Variants in LRWD1 observed in about 807,000 individuals in gnomAD.
LRWD1 encodes leucine rich repeats and WD repeat domain containing 1, also known as leucine-rich repeat and WD repeat-containing protein 1.
Under a neutral mutation model 75.6 loss-of-function variants are expected in LRWD1, and 76 were observed. The ratio of observed to expected loss-of-function variants is 1.01; its 90% CI spans 0.84 to 1.22. The LOEUF is 1.22. Ranked by LOEUF, LRWD1 falls within the 50% of genes most tolerant of loss-of-function variation. LRWD1 has a pLI of 0.00. For synonymous variants in LRWD1, 487 were observed against 377.0 expected (o/e 1.29, Z -3.38); for missense variants, 917 against 862.0 (o/e 1.06, Z -0.80).
chr7:102,467,647 C>G (rs1385352403), intron 4 of LRWD1, 72 bp from the exon 5 acceptor site: 2 of 1,516,066 alleles, frequency 1.3e-6, no homozygotes, highest in African/African-American at 1.4e-5. Flanking sequence ...TAAGCTCCCC[C>G]TGACTATGCA....
At position 102,465,013 on chromosome 7, in the gene LRWD1, A is replaced by G; in HGVS notation, c.-68A>G. 1.4e-6 allele frequency: 2 copies of G among 1,382,254 alleles called. No homozygotes were observed. The highest frequency in any genetic ancestry group is 1.9e-6 in the Non-Finnish European group (2 of 1,062,472). The allele number at this position is 1,382,254 out of a possible 1,614,324, so 85.6% of individuals were successfully genotyped here. On this transcript the variant is annotated 5_prime_UTR_variant, in exon 1 of 15. Coordinates refer to ENST00000292616, the MANE Select transcript of LRWD1 (RefSeq NM_152892.3). ...ACCGCGGACGCCAGTGCCGGGCTCCAGGAGACGCAGGGCGACGCCACACGC... is the reference window on the plus strand; with the variant it reads ...ACCGCGGACGCCAGTGCCGGGCTCCGGGAGACGCAGGGCGACGCCACACGC...
Position 102,468,589 on chromosome 7 carries a change from G to A in LRWD1, c.955G>A (p.Glu319Lys). Reference protein sequence around the residue: ...TSQTVATCGGEAVCVIDCQTG... With the variant: ...TSQTVATCGGKAVCVIDCQTG... ...CCAGACCGTGGCCACGTGCGGCGGG[G>A]AGGCTGTGTGCGTAATTGATTGCCA... Residue 319 changes from glutamate (E) to lysine (K), a missense_variant, in exon 8 of 15, where the codon GAG becomes AAG. Transcript: ENST00000292616. 1 of 1,578,064 alleles carries A rather than the reference G, an allele frequency of 6.3e-7. No individual in the cohort carries two copies. The highest frequency in any genetic ancestry group is 8.6e-7 in the Non-Finnish European group (1 of 1,161,754).
Position 102,468,101 on chromosome 7 carries a change from C to T in LRWD1, c.718C>T (p.Leu240Phe). 1 of 1,610,198 alleles carries T rather than the reference C, an allele frequency of 6.2e-7. No individual in the cohort carries two copies. The highest frequency in any genetic ancestry group is 8.5e-7 in the Non-Finnish European group (1 of 1,179,526). Residue 240 changes from leucine (L) to phenylalanine (F), a missense_variant, in exon 6 of 15, where the codon CTC becomes TTC. Coordinates refer to ENST00000292616, the MANE Select transcript of LRWD1 (RefSeq NM_152892.3). ...CTTGAAACGGCCAGACGACGTCCCA[C>T]TCAGCCTCTCTCCCAGCAAGCGGGC... ...AALKRPDDVP[L>F]SLSPSKRACA...
Position 102,467,375 on chromosome 7 carries a change from G to A in LRWD1, c.469G>A (p.Gly157Ser). 6.2e-7 allele frequency: 1 copy of A among 1,613,140 alleles called. No individual in the cohort carries two copies. The highest frequency in any genetic ancestry group is 8.5e-7 in the Non-Finnish European group (1 of 1,179,678). Reference protein sequence around the residue: ...AHWEKFMATLGPEEEAEKAQA... With the variant: ...AHWEKFMATLSPEEEAEKAQA... ...CTGGGAGAAGTTCATGGCCACACTG[G>A]GTCCTGAAGAGGAGGCTGAGAAGGC... The change falls in exon 4 of 15, where the codon GGT becomes AGT. Residue 157 changes from glycine to serine, a missense_variant. Gly to Ser is a moderately conservative substitution (Grantham distance 56, BLOSUM62 0). Coordinates refer to ENST00000292616, the MANE Select transcript of LRWD1 (RefSeq NM_152892.3).
At chr7:102,467,650 A>C in intron 4 of LRWD1, 69 bp from the exon 5 acceptor site, 1 of 1,505,912 alleles carries the variant, frequency 6.6e-7, no homozygotes, top group Non-Finnish European at 9.0e-7. Flanking sequence ...GCTCCCCCTG[A>C]CTATGCATCG....
Position 102,469,753 on chromosome 7 carries a change from C to T in LRWD1, c.1313C>T (p.Thr438Ile), listed in dbSNP as rs765458287. 1 of 1,608,906 alleles carries T rather than the reference C, an allele frequency of 6.2e-7. No individual in the cohort carries two copies. The highest frequency in any genetic ancestry group is 1.3e-5 in the African/African-American group (1 of 74,884). ...DYEFQASQLL[T>I]LDTTSIPLRL... ...TTGCCCACTGGCAGCCAGCTGCTCA[C>T]ACTGGACACCACCTCTATCCCCCTG... The change falls in exon 11 of 15, where the codon ACA becomes ATA. Residue 438 changes from threonine to isoleucine, a missense_variant. Thr to Ile is a moderately conservative substitution (Grantham distance 89). Coordinates refer to ENST00000292616, the MANE Select transcript of LRWD1 (RefSeq NM_152892.3).
chr7:102,467,338 G>T lies in LRWD1; in HGVS notation c.433-1G>T, dbSNP rs199699460. 1.2e-6 allele frequency: 2 copies of T among 1,603,210 alleles called. No individual in the cohort carries two copies. Among genetic ancestry groups the T allele is most frequent in the East Asian group, 4.5e-5 (2 of 44,274 alleles). ...CCTGGATCTGGTCCCTCTTGCACCA[G>T]GTCACAGCTCACTGGGAGAAGTTCA... On this transcript the variant is annotated splice_acceptor_variant, in intron 3 of 14. Coordinates refer to ENST00000292616, the MANE Select transcript of LRWD1 (RefSeq NM_152892.3). LOFTEE classifies it high-confidence loss of function.
In LRWD1 at chr7:102,467,493, CCAATGTGCAGGGAGT is replaced by C. The variant is rs749542918; in HGVS notation, c.573+17_573+31del. The C allele has an allele frequency of 6.2e-7, 1 of 1,611,378 alleles. No homozygotes were observed. The highest frequency in any genetic ancestry group is 8.5e-7 in the Non-Finnish European group (1 of 1,179,676). On this transcript the variant is annotated intron_variant, in intron 4 of 14. Coordinates refer to ENST00000292616, the MANE Select transcript of LRWD1 (RefSeq NM_152892.3). ...ACCCAGTGGCGGGTATGTCCCTGTC[CCAATGTGCAGGGAGT>C]CACTGGCTCTCGTATCTCTAGCTGC... is the stretch of plus-strand genomic sequence containing the variant.
chr7:102,465,767 G>A (rs762428010), intron 1 of LRWD1, 50 bp from the exon 2 acceptor site: 1 of 1,400,998 alleles, frequency 7.1e-7, no homozygotes, highest in East Asian at 2.3e-5. Context: ...GCAGATTGGT[G>A]TAGGGTGCAA....
Position 102,472,684 on chromosome 7 carries a change from C to G in LRWD1, c.1691-8C>G. ...GCCCCCACTCAGACTCCACCTCTGT[C>G]CCGGCAGATAAGGGGATTGTGCTCT... On this transcript the variant is annotated splice_region_variant and splice_polypyrimidine_tract_variant and intron_variant, in intron 13 of 14. Coordinates refer to ENST00000292616, the MANE Select transcript of LRWD1 (RefSeq NM_152892.3). 6.2e-7 allele frequency: 1 copy of G among 1,613,424 alleles called. No individual in the cohort carries two copies. Among genetic ancestry groups the G allele is most frequent in the Non-Finnish European group, 8.5e-7 (1 of 1,179,914 alleles).
chr7:102,467,823 G>A lies in LRWD1; in HGVS notation c.678G>A (p.Arg226=), dbSNP rs530661786. Residue 226 remains arginine (R), a splice_region_variant and synonymous_variant, in exon 5 of 15, where the codon AGG becomes AGA. Transcript: ENST00000292616. ...AAGCTGGAGCTGCCCACAAGCCCAG[G>A]GTGAGTGCAGCTCCCAGGGCTCTGA... ...PPEAGAAHKP[R]ARLAALKRPD... 6.5e-7 allele frequency: 1 copy of A among 1,549,830 alleles called. No individual in the cohort carries two copies. The highest frequency in any genetic ancestry group is 8.7e-7 in the Non-Finnish European group (1 of 1,146,890).
intron 5 of LRWD1, 77 bp downstream of exon 5, chr7:102,467,900 T>C: frequency 6.6e-7 from 1 of 1,515,132 alleles, no homozygotes; most frequent in Non-Finnish European, 8.9e-7. Context: ...CAAGGCGTCC[T>C]GGGCATGTGC....
chr7:102,466,721 C>A (rs1797989340), intron 3 of LRWD1, among the ~76,000 whole-genome samples: 1 of 143,494 alleles, frequency 7.0e-6, no homozygotes. Flanking sequence ...CCCGGCCTGA[C>A]TCTTCTAAGT....
intron 14 of LRWD1, 34 bp from the exon 15 acceptor site, chr7:102,472,853 GGCCCTGCCTTTGGTCAGCAGGA>G: frequency 6.2e-7 from 1 of 1,611,498 alleles, no homozygotes; most frequent in Non-Finnish European, 8.5e-7. Context: ...AGGCATCAGG[GGCCCTGCCTTTGGTCAGCAGGA>G]GCCCAGCCCA....
At chr7:102,471,951 T>G (rs1169824014) in intron 11 of LRWD1, 1 of 451,092 alleles carries the variant, frequency 2.2e-6, no homozygotes, top group Non-Finnish European at 4.1e-6. Context: ...CAGAGCCTTA[T>G]CCAACCCCCT....
At position 102,468,275 on chromosome 7, in the gene LRWD1, C is replaced by T; in HGVS notation, c.817C>T (p.Leu273=). The part of the protein sequence containing the change: ...GSDGSQPAVK[L]EPLHFLQCHS... Reference sequence around the variant, plus strand: ...TCTCCCCCCACAGCCTGCTGTGAAGCTGGAGCCCCTGCACTTCCTGCAGTG... The same window carrying T: ...TCTCCCCCCACAGCCTGCTGTGAAGTTGGAGCCCCTGCACTTCCTGCAGTG... The change falls in exon 7 of 15, where the codon CTG becomes TTG. Residue 273 remains leucine, a synonymous_variant. Transcript: ENST00000292616. The T allele has an allele frequency of 6.2e-7, 1 of 1,609,018 alleles. No homozygotes were observed. Among genetic ancestry groups the T allele is most frequent in the Non-Finnish European group, 8.5e-7 (1 of 1,178,204 alleles).
At chr7:102,471,991 C>T (rs928052836) in intron 11 of LRWD1, 2 of 528,180 alleles carry the variant, frequency 3.8e-6, no homozygotes, top group Admixed American at 6.2e-5. Context: ...AGAGCCACCC[C>T]TCGTGCCTCT....
chr7:102,468,759 C>G, intron 8 of LRWD1, 96 bp from the exon 9 acceptor site: 1 of 1,530,190 alleles, frequency 6.5e-7, no homozygotes, highest in Non-Finnish European at 8.8e-7. Context: ...TGGCCTTTTT[C>G]TTTCATGCTG....
At position 102,472,959 on chromosome 7, in the gene LRWD1, C is replaced by T. The variant is rs749272232; in HGVS notation, c.1854C>T (p.Thr618=). ...PWALGQVVTK[T]MVNTVVANAS... is the part of the protein sequence containing the mutation. ...CCCTTGGCCAGGTGGTGACCAAGAC[C>T]ATGGTGAACACAGTGGTGGCCAATG... The change falls in exon 15 of 15, where the codon ACC becomes ACT. Residue 618 remains threonine, a synonymous_variant. Transcript: ENST00000292616. 17 of 1,613,986 alleles carry T rather than the reference C, an allele frequency of 1.1e-5. No homozygotes were observed. Among genetic ancestry groups the T allele is most frequent in the Non-Finnish European group, 1.4e-5 (17 of 1,180,014 alleles).
Sources: allele counts gnomAD v4.1 joint callset (sites outside exome capture counted in the v4.1 genomes callset), GRCh38; gene constraint gnomAD v4.1.1; transcripts MANE v1.5; gene names NCBI Gene and HGNC (gene_info 2026-07-23, HGNC 2026-07-21).